SNX31: variants seen among roughly 807,000 people sequenced by gnomAD.
SNX31 encodes sorting nexin 31, also known as sorting nexin-31.
SNX31 carries 58 observed loss-of-function variants against 65.4 expected under a neutral mutation model. The ratio of observed to expected loss-of-function variants is 0.89; its 90% confidence interval spans 0.72 to 1.10. The LOEUF (loss-of-function observed/expected upper bound fraction) is 1.10. Ranked by LOEUF, SNX31 falls within the 50% of genes least tolerant of loss-of-function variation. The pLI is 0.00. For missense variants in SNX31, 523 were observed against 529.7 expected (o/e 0.99, Z 0.12); for synonymous variants, 181 against 190.1 (o/e 0.95, Z 0.39).
At chr8:100,592,969 C>A (rs1814720783) in intron 10 of SNX31, among the ~76,000 whole-genome samples, 1 of 152,072 alleles carries the variant, frequency 6.6e-6, no homozygotes, top group South Asian at 2.1e-4. Flanking sequence ...TATAAATTAT[C>A]CAGAATAGGC....
chr8:100,645,499 C>A (rs1257928882), intron 2 of SNX31, among the ~76,000 whole-genome samples: 2 of 151,288 alleles, frequency 1.3e-5, no homozygotes, highest in East Asian at 3.9e-4. Flanking sequence ...GTGCATGGGG[C>A]ATACTTATAC....
rs1812764617 is a variant in SNX31, at chr8:100,572,929, A to G, written c.*936T>C. The G allele has an allele frequency of 6.6e-6, 1 of 152,444 alleles. No individual in the cohort carries two copies. The allele number at this position is 152,444 out of a possible 1,614,324, so 9.4% of individuals were successfully genotyped here. On this transcript the variant is annotated 3_prime_UTR_variant, in exon 14 of 14. Transcript: ENST00000311812. ...TTGTATTTATTATATAATTAGGTAT[A>G]CAACCCAGTTAGAACATTAGAATAT... is the stretch of plus-strand genomic sequence containing the variant.
Position 100,610,298 on chromosome 8 carries a change from A to G in SNX31, c.611+1702T>C, listed in dbSNP as rs1220898082. On this transcript the variant is annotated intron_variant, in intron 7 of 13. Transcript: ENST00000311812. This position sits in a 1 kb window ranked among gnomAD's most constrained non-coding sequence, Gnocchi z 4.0. ...CTTCAAGGTAAGAAACAGAATCATC[A>G]TCTCTCCTTTGATCTCAGGTTTTAT... Among the ~76,000 whole-genome samples the G allele has an allele frequency of 6.6e-6, 1 of 151,416 alleles. No homozygotes were observed.
At position 100,578,553 on chromosome 8, in the gene SNX31, A is replaced by C. The variant is rs1813232605; in HGVS notation, c.1171-1478T>G. ...GTGGGCTAAATAACATGACACTGCA[A>C]AAAAGCATTACCTTTCAACTATGGT... On this transcript the variant is annotated intron_variant, in intron 12 of 13. Coordinates refer to ENST00000311812, the MANE Select transcript of SNX31 (RefSeq NM_152628.4). This position sits in a 1 kb window ranked among gnomAD's most constrained non-coding sequence, Gnocchi z 4.7. Among the ~76,000 whole-genome samples, 1 of 152,150 alleles carries C rather than the reference A, an allele frequency of 6.6e-6. No homozygotes were observed. The highest frequency in any genetic ancestry group is 2.4e-5 in the African/African-American group (1 of 41,434).
At position 100,635,896 on chromosome 8, in the gene SNX31, C is replaced by T; in HGVS notation, c.256+1G>A. 1 of 1,605,148 alleles carries T rather than the reference C, an allele frequency of 6.2e-7. No individual in the cohort carries two copies. The highest frequency in any genetic ancestry group is 8.5e-7 in the Non-Finnish European group (1 of 1,172,020). Reference sequence around the variant, plus strand: ...TTTTAAAAAACCCTGCAAATACATACCATTTTGCAAATATTGTTCCAGTTG... The same window carrying T: ...TTTTAAAAAACCCTGCAAATACATATCATTTTGCAAATATTGTTCCAGTTG... On this transcript the variant is annotated splice_donor_variant, in intron 3 of 13. Coordinates refer to ENST00000311812, the MANE Select transcript of SNX31 (RefSeq NM_152628.4). LOFTEE classifies it high-confidence loss of function.
intron 3 of SNX31, among the ~76,000 whole-genome samples, chr8:100,634,891 G>A (rs62513889): frequency 0.14 from 20,950 of 144,984 alleles, 2,105 homozygotes; most frequent in African/African-American, 0.3. Context: ...CCCCACCTCT[G>A]TAAAAAAAAT....
chr8:100,587,540 A>G (rs1446513762), intron 11 of SNX31, among the ~76,000 whole-genome samples: 2 of 152,152 alleles, frequency 1.3e-5, no homozygotes, highest in East Asian at 3.8e-4. Context: ...CATGTTTTCT[A>G]CTGTTGATTA....
chr8:100,635,712 G>A (rs910296343), intron 3 of SNX31, among the ~76,000 whole-genome samples, 185 bp downstream of exon 3: 3 of 152,044 alleles, frequency 2.0e-5, no homozygotes, highest in East Asian at 3.8e-4. Context: ...GGAAGTGATT[G>A]CCAATGGGTA....
intron 4 of SNX31, among the ~76,000 whole-genome samples, chr8:100,621,129 G>A (rs1033236341): frequency 6.6e-6 from 1 of 152,134 alleles, no homozygotes; most frequent in African/African-American, 2.4e-5. Context: ...GGGCGACAGA[G>A]CAAGACTCCA....
rs2131126565 is a variant in SNX31 at position 100,622,614 on chromosome 8, G to T, written c.322-4884C>A. On this transcript the variant is annotated intron_variant, in intron 4 of 13. Coordinates refer to ENST00000311812, the MANE Select transcript of SNX31 (RefSeq NM_152628.4). This position sits in a 1 kb window ranked among gnomAD's most constrained non-coding sequence, Gnocchi z 5.0. ...TGCAGTGAACTGAGATTGCACCACTGCACTCCAGCCTGGGTGACAGAGCAA... is the reference window on the plus strand; with the variant it reads ...TGCAGTGAACTGAGATTGCACCACTTCACTCCAGCCTGGGTGACAGAGCAA... Among the ~76,000 whole-genome samples, 1 of 151,962 alleles carries T rather than the reference G, an allele frequency of 6.6e-6. No individual in the cohort carries two copies. The highest frequency in any genetic ancestry group is 1.5e-5 in the Non-Finnish European group (1 of 67,988).
chr8:100,593,321 A>C (rs1287401342), intron 10 of SNX31, among the ~76,000 whole-genome samples: 1 of 152,236 alleles, frequency 6.6e-6, no homozygotes, highest in African/African-American at 2.4e-5. Flanking sequence ...GATTTTTGAC[A>C]AAGGTATATA....
intron 11 of SNX31, among the ~76,000 whole-genome samples, 191 bp from the exon 12 acceptor site, chr8:100,584,379 A>T (rs940680594): frequency 2.6e-5 from 4 of 152,212 alleles, no homozygotes; most frequent in Non-Finnish European, 4.4e-5. Flanking sequence ...TTTCTCAATT[A>T]TGTGGATATA....
At chr8:100,657,008 T>C (rs554709064) in intron 1 of SNX31, among the ~76,000 whole-genome samples, 29 of 152,332 alleles carry the variant, frequency 1.9e-4, no homozygotes, top group Non-Finnish European at 3.4e-4. Flanking sequence ...CATTCGACAG[T>C]CATCACCATG....
rs1282655995 is a variant in SNX31, at chr8:100,649,597, G to C, written c.-83C>G. 1.5e-6 allele frequency: 2 copies of C among 1,340,588 alleles called. No homozygotes were observed. The highest frequency in any genetic ancestry group is 2.1e-6 in the Non-Finnish European group (2 of 971,336). 83.0% of individuals were successfully genotyped at this position (1,340,588 alleles called of 1,614,324 possible). A position where few individuals can be genotyped will look rare whatever the true frequency, so the allele number is the denominator to read the frequency against. On this transcript the variant is annotated 5_prime_UTR_variant, in exon 1 of 14. Transcript: ENST00000311812. ...CGCGGCTCTGAACTCGGCAGCGGTG[G>C]ACGCAGCGCGGCCTGCCACGCGACT...
At chr8:100,581,337 C>CTATCTATATATA (rs1554570506) in intron 12 of SNX31, among the ~76,000 whole-genome samples, 1 of 125,466 alleles carries the variant, frequency 8.0e-6, no homozygotes, top group African/African-American at 3.1e-5. Context: ...ATCTATCTAT[C>CTATCTATATATA]TATATATATA....
At chr8:100,605,784 T>A (rs201601609) in intron 8 of SNX31, among the ~76,000 whole-genome samples, 1 of 152,106 alleles carries the variant, frequency 6.6e-6, no homozygotes, top group East Asian at 1.9e-4. Context: ...AAAACAGATT[T>A]AAAAAGTCAC....
chr8:100,638,042 C>T (rs1158228185), intron 2 of SNX31, among the ~76,000 whole-genome samples: 4 of 152,176 alleles, frequency 2.6e-5, no homozygotes, highest in Non-Finnish European at 4.4e-5. Context: ...CAGTCATGCA[C>T]ACCTGTAGTC....
At chr8:100,599,638 T>G (rs1333034288) in intron 9 of SNX31, among the ~76,000 whole-genome samples, 1 of 152,132 alleles carries the variant, frequency 6.6e-6, no homozygotes, top group Non-Finnish European at 1.5e-5. Context: ...TTTGGTTGTA[T>G]TTCGTTCAAA....
Position 100,612,395 on chromosome 8 carries a change from A to G in SNX31, c.524-308T>C, listed in dbSNP as rs76950028. On this transcript the variant is annotated intron_variant, in intron 6 of 13. Transcript: ENST00000311812. This position sits in a 1 kb window ranked among gnomAD's most constrained non-coding sequence, Gnocchi z 4.3. Reference sequence around the variant, plus strand: ...CAGGGCCTAGCAGCCAACCCTCTACACAAGCCCCTTAACTTCCAACTCAAA... The same window carrying G: ...CAGGGCCTAGCAGCCAACCCTCTACGCAAGCCCCTTAACTTCCAACTCAAA... 0.011 allele frequency among the ~76,000 whole-genome samples: 1,695 copies of G among 152,076 alleles called. 15 individuals carry two copies. The highest frequency in any genetic ancestry group is 0.015 in the Non-Finnish European group (1,039 of 67,984).
Sources: gnomAD v4.1 joint callset for allele counts (sites outside exome capture counted in the v4.1 genomes callset) on GRCh38, gnomAD v4.1.1 for gene constraint, Gnocchi (gnomAD v3.1) non-coding constraint, MANE v1.5 for transcripts, NCBI Gene and HGNC (gene_info 2026-07-23, HGNC 2026-07-21) for gene names.